The following CNTN3 variants were observed in gnomAD, a reference collection of about 807,000 sequenced individuals.
The protein encoded by CNTN3 is contactin-3.
A neutral mutation model predicts 119.1 loss-of-function variants in CNTN3; 60 were observed. The ratio of observed to expected loss-of-function variants is 0.50; its 90% CI spans 0.41 to 0.62. The LOEUF (loss-of-function observed/expected upper bound fraction) is 0.62. Ranked by LOEUF, CNTN3 falls within the 20% of genes least tolerant of loss-of-function variation. The pLI is 0.00. For missense variants in CNTN3, 1,101 were observed against 1,242.4 expected, an observed-to-expected ratio of 0.89 and a Z score of 1.71; for synonymous variants, 450 against 438.7, an observed-to-expected ratio of 1.03 and a Z score of -0.32.
chr3:74,396,110 G>C (rs1705045515), intron 5 of CNTN3, among the ~76,000 whole-genome samples: 1 of 152,032 alleles, frequency 6.6e-6, no homozygotes, highest in African/African-American at 2.4e-5. Flanking sequence ...TATTTGCCGA[G>C]ACATAACAGT....
At chr3:74,400,005 C>T (rs1327110089) in intron 5 of CNTN3, among the ~76,000 whole-genome samples, 3 of 152,098 alleles carry the variant, frequency 2.0e-5, no homozygotes, top group Non-Finnish European at 4.4e-5. Context: ...AAAGTAAATG[C>T]TTGGTGAATT....
intron 1 of CNTN3, among the ~76,000 whole-genome samples, chr3:74,591,979 C>A (rs1410507706): frequency 1.3e-5 from 2 of 151,800 alleles, no homozygotes; most frequent in Non-Finnish European, 2.9e-5. Flanking sequence ...CAGGCTGAGG[C>A]TCAGAAAAAA....
At chr3:74,318,321 T>C (rs506675) in intron 13 of CNTN3, among the ~76,000 whole-genome samples, 45,696 of 152,046 alleles carry the variant, frequency 0.3, 7,564 homozygotes, top group East Asian at 0.68. Context: ...TCGTCTGAAG[T>C]CTTCTTCTCT....
rs139076617 is a variant in CNTN3, at chr3:74,569,907, G to A, written c.-81+44484C>T. ...GACTAGGGTCCTCATTATCTTGCTG[G>A]TGGTTGGGTTGGACAAAGGCCAATC... On this transcript the variant is annotated intron_variant, in intron 1 of 22. Transcript: ENST00000263665. Among the ~76,000 whole-genome samples the A allele has an allele frequency of 1.2e-4, 18 of 152,234 alleles. No individual in the cohort carries two copies. In the East Asian group the frequency reaches 3.1e-3, roughly 26 times the overall value.
chr3:74,537,622 C>A (rs1247942320), intron 1 of CNTN3, among the ~76,000 whole-genome samples: 3 of 152,072 alleles, frequency 2.0e-5, no homozygotes, highest in African/African-American at 4.8e-5. Flanking sequence ...CTTTTGCCAC[C>A]TCTGTGACTC....
chr3:74,279,377 G>C (rs1462536704), intron 20 of CNTN3, among the ~76,000 whole-genome samples: 1 of 152,014 alleles, frequency 6.6e-6, no homozygotes, highest in Non-Finnish European at 1.5e-5. Flanking sequence ...ATCAATCAAC[G>C]AGTGGATAAA....
chr3:74,381,358 C>A (rs1704619596), intron 5 of CNTN3, among the ~76,000 whole-genome samples: 1 of 151,940 alleles, frequency 6.6e-6, no homozygotes, highest in African/African-American at 2.4e-5. Flanking sequence ...AAAGGATATG[C>A]AATTATGTCT....
At chr3:74,593,417 C>A (rs1704737733) in intron 1 of CNTN3, among the ~76,000 whole-genome samples, 2 of 151,968 alleles carry the variant, frequency 1.3e-5, no homozygotes, top group Non-Finnish European at 1.5e-5. Flanking sequence ...TGATAGAAGA[C>A]AACTTCGTGT....
chr3:74,433,692 A>G (rs571575494), intron 4 of CNTN3, among the ~76,000 whole-genome samples: 2 of 152,124 alleles, frequency 1.3e-5, no homozygotes, highest in African/African-American at 2.4e-5. Context: ...ACTAAGCAAC[A>G]ACAAACTTTT....
chr3:74,519,531 G>T (rs912438185), intron 2 of CNTN3, among the ~76,000 whole-genome samples: 1 of 151,578 alleles, frequency 6.6e-6, no homozygotes, highest in African/African-American at 2.4e-5. Context: ...TTCTGAGTAT[G>T]TCTTTCTGTG....
chr3:74,363,953 T>C (rs1182326036), intron 10 of CNTN3, among the ~76,000 whole-genome samples: 1 of 152,100 alleles, frequency 6.6e-6, no homozygotes, highest in Admixed American at 6.6e-5. Context: ...TAGAACATCT[T>C]CTTTTTCTCC....
intron 4 of CNTN3, among the ~76,000 whole-genome samples, chr3:74,431,238 G>A (rs1161219441): frequency 1.3e-5 from 2 of 152,184 alleles, no homozygotes; most frequent in Non-Finnish European, 2.9e-5. Context: ...TGCATATGGA[G>A]AAAAGAAACT....
chr3:74,338,225 A>C (rs1703441848), intron 11 of CNTN3, among the ~76,000 whole-genome samples: 2 of 152,200 alleles, frequency 1.3e-5, no homozygotes, highest in South Asian at 4.1e-4. Flanking sequence ...CATTCAGTAG[A>C]ATAAATAGGA....
intron 1 of CNTN3, among the ~76,000 whole-genome samples, chr3:74,552,361 T>C (rs1704004577): frequency 6.6e-6 from 1 of 152,188 alleles, no homozygotes; most frequent in South Asian, 2.1e-4. Context: ...GCCTCATTTT[T>C]TAGGAGACTG....
chr3:74,614,453 G>A lies in CNTN3; in HGVS notation c.-143C>T, dbSNP rs868860494. Among the ~76,000 whole-genome samples the A allele has an allele frequency of 2.1e-5, 3 of 142,560 alleles. No homozygotes were observed. Among genetic ancestry groups the A allele is most frequent in the Non-Finnish European group, 4.6e-5 (3 of 65,368 alleles). 93.5% of individuals were successfully genotyped at this position (142,560 alleles called of 152,430 possible). On this transcript the variant is annotated 5_prime_UTR_variant, in exon 1 of 23. Transcript: ENST00000263665. ...CCCACTCGCCGCCGCCGCCGCCGCC[G>A]CCGCCGCCGCCACCGCCGCCGCCGC...
At chr3:74,348,190 C>G (rs1164290365) in intron 11 of CNTN3, among the ~76,000 whole-genome samples, 1 of 152,154 alleles carries the variant, frequency 6.6e-6, no homozygotes, top group Non-Finnish European at 1.5e-5. Context: ...GTTCTCAACA[C>G]ACACACACAC....
chr3:74,441,828 T>A (rs1327193783), intron 4 of CNTN3, among the ~76,000 whole-genome samples: 1 of 152,176 alleles, frequency 6.6e-6, no homozygotes, highest in African/African-American at 2.4e-5. Flanking sequence ...AATCGCTGCC[T>A]ATAAAATAAA....
intron 5 of CNTN3, among the ~76,000 whole-genome samples, chr3:74,379,442 C>T (rs1463703272): frequency 1.3e-5 from 2 of 152,148 alleles, no homozygotes; most frequent in Admixed American, 6.6e-5. Context: ...TCCAGGGAAG[C>T]GTCTTTCCTA....
At chr3:74,370,348 C>G (rs1704305656) in intron 6 of CNTN3, among the ~76,000 whole-genome samples, 1 of 152,090 alleles carries the variant, frequency 6.6e-6, no homozygotes, top group African/African-American at 2.4e-5. Flanking sequence ...AAGAAAACCA[C>G]TGAGCCTTTA....
Sources: allele counts gnomAD v4.1 joint callset (sites outside exome capture counted in the v4.1 genomes callset), GRCh38; gene constraint gnomAD v4.1.1; transcripts MANE v1.5; gene names NCBI Gene and HGNC (gene_info 2026-07-23, HGNC 2026-07-21).